The following CDK15 variants were observed in gnomAD, a reference collection of about 807,000 sequenced individuals.
CDK15 encodes cyclin-dependent kinase 15.
CDK15 carries 62 observed loss-of-function variants against 60.3 expected under a neutral mutation model. The ratio of observed to expected loss-of-function variants is 1.03; its 90% CI spans 0.84 to 1.27. The LOEUF (loss-of-function observed/expected upper bound fraction) is 1.27. CDK15 is among the 50% of genes most tolerant of loss of function. CDK15 has a pLI of 0.00. For missense variants in CDK15, 541 were observed against 527.8 expected (o/e 1.03, Z -0.25); for synonymous variants, 194 against 195.7 (o/e 0.99, Z 0.07).
chr2:201,824,206 C>T (rs1696360157), intron 6 of CDK15, among the ~76,000 whole-genome samples: 1 of 152,134 alleles, frequency 6.6e-6, no homozygotes. Context: ...TCTTAATTAG[C>T]TATAATTCTA....
intron 11 of CDK15, among the ~76,000 whole-genome samples, chr2:201,874,851 A>C (rs1319630548): frequency 1.3e-5 from 2 of 152,194 alleles, no homozygotes; most frequent in Non-Finnish European, 2.9e-5. Flanking sequence ...CAAACTGAGA[A>C]CATTTAAAAA....
intron 11 of CDK15, among the ~76,000 whole-genome samples, chr2:201,877,917 T>C (rs1304493103): frequency 2.0e-5 from 3 of 152,184 alleles, no homozygotes; most frequent in African/African-American, 7.2e-5. Context: ...TATGCAAAAA[T>C]TAGGTAAATT....
Position 201,895,012 on chromosome 2 carries a change from C to G in CDK15, c.*1745C>G, listed in dbSNP as rs994726568. ...ATTAATAGTATAATTTCGCTGTCCCCCAGAGATAATGCTAGTACCAATCGA... is the reference window on the plus strand; with the variant it reads ...ATTAATAGTATAATTTCGCTGTCCCGCAGAGATAATGCTAGTACCAATCGA... On this transcript the variant is annotated 3_prime_UTR_variant, in exon 14 of 14. Coordinates refer to ENST00000652192, the MANE Select transcript of CDK15 (RefSeq NM_001366386.2). 6.6e-6 allele frequency: 1 copy of G among 152,154 alleles called. No homozygotes were observed. Among genetic ancestry groups the G allele is most frequent in the African/African-American group, 2.4e-5 (1 of 41,414 alleles). The allele number at this position is 152,154 out of a possible 1,614,324, so 9.4% of individuals were successfully genotyped here.
chr2:201,837,249 C>G (rs1697133473), intron 8 of CDK15, among the ~76,000 whole-genome samples: 1 of 150,368 alleles, frequency 6.7e-6, no homozygotes, highest in African/African-American at 2.5e-5. Flanking sequence ...GATGGTACCC[C>G]TGCAATCCAG....
At chr2:201,819,533 C>G (rs1696133668) in intron 4 of CDK15, among the ~76,000 whole-genome samples, 1 of 152,108 alleles carries the variant, frequency 6.6e-6, no homozygotes, top group African/African-American at 2.4e-5. Flanking sequence ...GGCACATGCC[C>G]TAACTCATTT....
In CDK15 at chr2:201,872,270, C is replaced by T. The variant is rs1424580219; in HGVS notation, c.1010-8C>T. 2.5e-6 allele frequency: 4 copies of T among 1,614,054 alleles called. No individual in the cohort carries two copies. In the South Asian group the frequency reaches 3.3e-5, roughly 13 times the overall value. ...TTTATTTTTTAACGCCCTCTGTATG[C>T]TTCCCAGAATGGTTCCCACTGCCTA... On this transcript the variant is annotated splice_polypyrimidine_tract_variant and splice_region_variant and intron_variant, in intron 10 of 13. Transcript: ENST00000652192.
At chr2:201,807,323 C>T (rs948699782) in intron 1 of CDK15, among the ~76,000 whole-genome samples, 171 bp from the exon 2 acceptor site, 1 of 152,012 alleles carries the variant, frequency 6.6e-6, no homozygotes, top group African/African-American at 2.4e-5. Flanking sequence ...GGAGTTGATA[C>T]CATTATGGTC....
intron 8 of CDK15, among the ~76,000 whole-genome samples, chr2:201,839,733 G>A (rs1306112311): frequency 2.6e-5 from 4 of 152,112 alleles, no homozygotes; most frequent in East Asian, 1.9e-4. Flanking sequence ...AAATATTGGC[G>A]ATGGATGAAC....
intron 8 of CDK15, 123 bp from the exon 9 acceptor site, chr2:201,847,258 A>T: frequency 3.4e-6 from 3 of 892,222 alleles, no homozygotes; most frequent in African/African-American, 1.7e-5. Context: ...CAAGACTTTT[A>T]ATATCATGTG....
At chr2:201,829,073 T>G (rs1172479876) in intron 6 of CDK15, among the ~76,000 whole-genome samples, 1 of 152,204 alleles carries the variant, frequency 6.6e-6, no homozygotes, top group East Asian at 1.9e-4. Flanking sequence ...TCGTGCTATT[T>G]TATATCAGGC....
rs1023737606 is a variant in CDK15 at position 201,882,712 on chromosome 2, G to A, written c.1198+2545G>A. ...GTGTGCTTGTGTATGTGTGTGACAG[G>A]GTGGTGGGTGTGCAGAAATATGTAT... On this transcript the variant is annotated intron_variant, in intron 12 of 13. Coordinates refer to ENST00000652192, the MANE Select transcript of CDK15 (RefSeq NM_001366386.2). This position sits in a 1 kb window ranked among gnomAD's most constrained non-coding sequence, Gnocchi z 4.0. Among the ~76,000 whole-genome samples the A allele has an allele frequency of 4.0e-5, 6 of 151,432 alleles. No homozygotes were observed. The South Asian group carries it at 1.0e-3, about 26-fold the overall frequency.
intron 11 of CDK15, among the ~76,000 whole-genome samples, chr2:201,875,962 TCTTTAC>T (rs1699061929): frequency 6.6e-6 from 1 of 152,200 alleles, no homozygotes; most frequent in Non-Finnish European, 1.5e-5. Flanking sequence ...ATCACAGGAT[TCTTTAC>T]CTTTAATAGC....
chr2:201,817,474 AATTCTG>A, intron 4 of CDK15, among the ~76,000 whole-genome samples: 1 of 152,352 alleles, frequency 6.6e-6, no homozygotes, highest in South Asian at 2.1e-4. Flanking sequence ...TATATTCATC[AATTCTG>A]ATTCTATCAT....
chr2:201,820,915 A>T (rs1696193444), intron 4 of CDK15, among the ~76,000 whole-genome samples: 1 of 152,214 alleles, frequency 6.6e-6, no homozygotes, highest in South Asian at 2.1e-4. Flanking sequence ...AATAAGGTTA[A>T]CAGGTGTGAT....
intron 9 of CDK15, among the ~76,000 whole-genome samples, chr2:201,851,291 C>CAAAAA (rs1176883047): frequency 7.2e-5 from 2 of 27,754 alleles, no homozygotes; most frequent in Admixed American, 4.7e-4. Context: ...GACTTCATCT[C>CAAAAA]AAAAAAAAAA....
intron 12 of CDK15, among the ~76,000 whole-genome samples, chr2:201,887,838 G>A (rs1699510266): frequency 6.6e-6 from 1 of 152,030 alleles, no homozygotes; most frequent in South Asian, 2.1e-4. Flanking sequence ...TGATCCTCTG[G>A]GCTTTGAAGA....
chr2:201,828,122 A>C (rs1696587656), intron 6 of CDK15, among the ~76,000 whole-genome samples: 2 of 152,220 alleles, frequency 1.3e-5, no homozygotes, highest in Non-Finnish European at 1.5e-5. Context: ...TAACAGAAAT[A>C]GGAGAAGAAG....
chr2:201,872,360 A>T (rs13032025), intron 11 of CDK15, 34 bp downstream of exon 11: 134,082 of 1,360,032 alleles, frequency 0.099, 6,307 homozygotes, highest in African/African-American at 0.21. Flanking sequence ...TCTTTAAGGG[A>T]TCTTTAAGCA....
Position 201,880,169 on chromosome 2 carries a change from T to C in CDK15, c.1198+2T>C, listed in dbSNP as rs199752210. 5.6e-5 allele frequency: 90 copies of C among 1,613,674 alleles called. No homozygotes were observed. The highest frequency in any genetic ancestry group is 1.6e-4 in the Middle Eastern group (1 of 6,082). ...CTCAGCTGTACCAGCTTCCTGATGG[T>C]GAGCGAGGGAGTGTGTGCGTGTGCG... On this transcript the variant is annotated splice_donor_variant, in intron 12 of 13. Transcript: ENST00000652192. LOFTEE classifies it high-confidence loss of function.
Sources: gnomAD v4.1 joint callset for allele counts (sites outside exome capture counted in the v4.1 genomes callset) on GRCh38, gnomAD v4.1.1 for gene constraint, Gnocchi (gnomAD v3.1) non-coding constraint, MANE v1.5 for transcripts, NCBI Gene and HGNC (gene_info 2026-07-23, HGNC 2026-07-21) for gene names.